IKBKE: variants seen among roughly 807,000 people sequenced by gnomAD.
IKBKE encodes inhibitor of nuclear factor kappa-B kinase subunit epsilon.
In IKBKE, 45 loss-of-function variants were observed where a neutral mutation model predicts 92.1. That is an observed-to-expected ratio of 0.49 (90% CI 0.38 to 0.63). IKBKE has a LOEUF of 0.63. IKBKE is among the 20% of genes least tolerant of loss of function. The probability of loss-of-function intolerance (pLI) is 0.00; values close to 1 mark genes in which losing one functional copy is unlikely to be tolerated. For synonymous variants in IKBKE, 374 were observed against 380.3 expected, an observed-to-expected ratio of 0.98 and a Z score of 0.19; for missense variants, 700 against 932.8, an observed-to-expected ratio of 0.75 and a Z score of 3.25.
At position 206,483,092 on chromosome 1, in the gene IKBKE, C is replaced by T. The variant is rs78674445; in HGVS notation, c.1428-1905C>T. Among the ~76,000 whole-genome samples, 968 of 152,386 alleles carry T rather than the reference C, an allele frequency of 6.4e-3. 19 individuals carry two copies. Among genetic ancestry groups the T allele is most frequent in the Admixed American group, 0.043 (665 of 15,308 alleles). On this transcript the variant is annotated intron_variant, in intron 13 of 21. Coordinates refer to ENST00000581977, the MANE Select transcript of IKBKE (RefSeq NM_014002.4). ...ACAGGCACTGCTCAGGCAGCCAGGA[C>T]GGGCTTTGGGAATCCTAGGGCTTCC...
chr1:206,476,508 C>T lies in IKBKE; in HGVS notation c.540+146C>T. On this transcript the variant is annotated intron_variant, in intron 6 of 21. Coordinates refer to ENST00000581977, the MANE Select transcript of IKBKE (RefSeq NM_014002.4). This position sits in a 1 kb window ranked among gnomAD's most constrained non-coding sequence, Gnocchi z 5.1. ...CCCCTGTACCCCAACCAGAAGAATGCATTCTGTTCTCTAAGATGGAAAAGG... is the reference window on the plus strand; with the variant it reads ...CCCCTGTACCCCAACCAGAAGAATGTATTCTGTTCTCTAAGATGGAAAAGG... The T allele has an allele frequency of 9.0e-7, 1 of 1,107,824 alleles. No individual in the cohort carries two copies. The highest frequency in any genetic ancestry group is 1.3e-6 in the Non-Finnish European group (1 of 763,702). 68.6% of individuals were successfully genotyped at this position (1,107,824 alleles called of 1,614,324 possible).
At position 206,476,539 on chromosome 1, in the gene IKBKE, C is replaced by T. The variant is rs1665071656; in HGVS notation, c.541-139C>T. On this transcript the variant is annotated intron_variant, in intron 6 of 21. Coordinates refer to ENST00000581977, the MANE Select transcript of IKBKE (RefSeq NM_014002.4). This position sits in a 1 kb window ranked among gnomAD's most constrained non-coding sequence, Gnocchi z 5.1. ...GTTCTCTAAGATGGAAAAGGTGAGG[C>T]TGACACCCATTTTTAAGATGACAAA... 2.6e-6 allele frequency: 3 copies of T among 1,168,460 alleles called. No homozygotes were observed. In the Admixed American group the frequency reaches 6.6e-5, roughly 26 times the overall value. The allele number at this position is 1,168,460 out of a possible 1,614,324, so 72.4% of individuals were successfully genotyped here.
At chr1:206,480,850 G>A (rs1438190794) in intron 13 of IKBKE, among the ~76,000 whole-genome samples, 1 of 152,152 alleles carries the variant, frequency 6.6e-6, no homozygotes, top group Non-Finnish European at 1.5e-5. Context: ...ATGATTTAGA[G>A]TGCTCACCCT....
intron 18 of IKBKE, 196 bp downstream of exon 18, chr1:206,491,945 TACA>T: frequency 4.0e-6 from 2 of 504,070 alleles, no homozygotes; most frequent in Non-Finnish European, 3.6e-6. Context: ...TATTTACTCC[TACA>T]ACACCTGCCC....
intron 8 of IKBKE, 109 bp downstream of exon 8, chr1:206,477,968 C>A: frequency 2.2e-6 from 2 of 896,624 alleles, no homozygotes; most frequent in Non-Finnish European, 3.5e-6. Flanking sequence ...GGGCATGCTG[C>A]AGGCTTGGGC....
At position 206,484,994 on chromosome 1, in the gene IKBKE, A is replaced by G; in HGVS notation, c.1428-3A>G. On this transcript the variant is annotated splice_region_variant and splice_polypyrimidine_tract_variant and intron_variant, in intron 13 of 21. Coordinates refer to ENST00000581977, the MANE Select transcript of IKBKE (RefSeq NM_014002.4). The stretch of plus-strand genomic sequence containing the variant: ...TGTGGCCTTTCTCTTTGCTTCCCTC[A>G]AGGTTCAGCAGCGTGGCTGGAACGC... 1 of 1,613,328 alleles carries G rather than the reference A, an allele frequency of 6.2e-7. No individual in the cohort carries two copies. Among genetic ancestry groups the G allele is most frequent in the Non-Finnish European group, 8.5e-7 (1 of 1,179,582 alleles).
At chr1:206,488,094 A>T in intron 16 of IKBKE, 104 bp downstream of exon 16, 1 of 813,286 alleles carries the variant, frequency 1.2e-6, no homozygotes, top group South Asian at 1.5e-5. Context: ...CCTCCAGCTA[A>T]GTGGCCGCTA....
chr1:206,482,918 C>A (rs1665479210), intron 13 of IKBKE, among the ~76,000 whole-genome samples: 1 of 152,262 alleles, frequency 6.6e-6, no homozygotes, highest in Admixed American at 6.5e-5. Context: ...GCACCTCATG[C>A]CAAGTGGCCC....
intron 21 of IKBKE, among the ~76,000 whole-genome samples, chr1:206,495,570 A>G (rs550920972): frequency 5.4e-4 from 82 of 152,276 alleles, no homozygotes; most frequent in Non-Finnish European, 9.1e-4. Flanking sequence ...TGTTCCAGCA[A>G]GAGAACTCAT....
chr1:206,486,834 C>T (rs1220294582), intron 15 of IKBKE, among the ~76,000 whole-genome samples: 1 of 151,672 alleles, frequency 6.6e-6, no homozygotes, highest in Non-Finnish European at 1.5e-5. Context: ...GATCGAGGCC[C>T]CGTCCTTTTG....
chr1:206,492,324 T>C, intron 18 of IKBKE: 2 of 404,252 alleles, frequency 4.9e-6, no homozygotes, highest in South Asian at 3.8e-5. Context: ...GTGTGAACAC[T>C]GGCCCCTCCT....
Position 206,491,562 on chromosome 1 carries a change from C to T in IKBKE, c.1734-86C>T, listed in dbSNP as rs556258716. The T allele has an allele frequency of 2.2e-4, 206 of 919,106 alleles. 1 individual carries two copies. Among genetic ancestry groups the T allele is most frequent in the South Asian group, 9.2e-4 (69 of 74,968 alleles). The allele number at this position is 919,106 out of a possible 1,614,324, so 56.9% of individuals were successfully genotyped here. A position where few individuals can be genotyped will look rare whatever the true frequency, so the allele number is the denominator to read the frequency against. ...TTGGGCACTTACGACAAGGTGGTGA[C>T]GGAGACTGACGGAGACTGAGGGATG... is the stretch of plus-strand genomic sequence containing the variant. On this transcript the variant is annotated intron_variant, in intron 17 of 21. Coordinates refer to ENST00000581977, the MANE Select transcript of IKBKE (RefSeq NM_014002.4).
intron 18 of IKBKE, 61 bp from the exon 19 acceptor site, chr1:206,492,962 C>G: frequency 3.5e-6 from 5 of 1,426,038 alleles, no homozygotes; most frequent in Non-Finnish European, 4.8e-6. Context: ...GGCAGCTAGG[C>G]GAGCCCTGGG....
At position 206,470,512 on chromosome 1, in the gene IKBKE, A is replaced by T. The variant is rs1473221612; in HGVS notation, c.-309A>T. ...TGGTGTCCCACCGCCACAAGGAGGC[A>T]GGGAAGAAACCCACTAGTCCCAGCT... On this transcript the variant is annotated 5_prime_UTR_variant, in exon 1 of 22. Coordinates refer to ENST00000581977, the MANE Select transcript of IKBKE (RefSeq NM_014002.4). The T allele has an allele frequency of 7.9e-5, 12 of 152,466 alleles. No homozygotes were observed. Among genetic ancestry groups the T allele is most frequent in the Middle Eastern group, 3.4e-3 (1 of 296 alleles). 9.4% of individuals were successfully genotyped at this position (152,466 alleles called of 1,614,324 possible). A position where few individuals can be genotyped will look rare whatever the true frequency, so the allele number is the denominator to read the frequency against.
intron 15 of IKBKE, among the ~76,000 whole-genome samples, chr1:206,486,819 C>A (rs1267070509): frequency 6.6e-6 from 1 of 151,282 alleles, no homozygotes; most frequent in African/African-American, 2.4e-5. Flanking sequence ...TGGATGAAGG[C>A]TGTGGATCGA....
At position 206,485,194 on chromosome 1, in the gene IKBKE, C is replaced by T. The variant is rs1553388287; in HGVS notation, c.1504C>T (p.Leu502=). The part of the protein sequence containing the change: ...AAELRSRLRT[L]AEVLSRCSQN... Reference sequence around the variant, plus strand: ...GGGGGTCTGCCTTTGTGCCCCACAGCTAGCGGAGGTCCTCTCCAGATGCTC... The same window carrying T: ...GGGGGTCTGCCTTTGTGCCCCACAGTTAGCGGAGGTCCTCTCCAGATGCTC... Residue 502 remains leucine, a splice_region_variant and synonymous_variant, in exon 15 of 22, where the codon CTA becomes TTA. Coordinates refer to ENST00000581977, the MANE Select transcript of IKBKE (RefSeq NM_014002.4). This position sits in a 1 kb window ranked among gnomAD's most constrained non-coding sequence, Gnocchi z 5.0. 1 of 1,610,682 alleles carries T rather than the reference C, an allele frequency of 6.2e-7. No individual in the cohort carries two copies. Among genetic ancestry groups the T allele is most frequent in the Admixed American group, 1.7e-5 (1 of 60,028 alleles).
At chr1:206,482,394 G>C (rs549114854) in intron 13 of IKBKE, among the ~76,000 whole-genome samples, 2 of 152,182 alleles carry the variant, frequency 1.3e-5, no homozygotes, top group Non-Finnish European at 2.9e-5. Flanking sequence ...AAGCTTTTTG[G>C]GTGTCTGTCT....
At chr1:206,495,577 T>C (rs1298134251) in intron 21 of IKBKE, among the ~76,000 whole-genome samples, 2 of 152,196 alleles carry the variant, frequency 1.3e-5, no homozygotes, top group Non-Finnish European at 2.9e-5. Context: ...GCAAGAGAAC[T>C]CATCCTCTTA....
At position 206,476,926 on chromosome 1, in the gene IKBKE, C is replaced by T; in HGVS notation, c.701+88C>T. On this transcript the variant is annotated intron_variant, in intron 7 of 21. Transcript: ENST00000581977. The surrounding 1 kb of genome is among the most constrained non-coding windows in gnomAD (Gnocchi z 5.1). ...GGTCCTTGCTGTGTCTTCTGGTCCC[C>T]TCACACTCCATGGCCCTCCTCTGGT... is the stretch of plus-strand genomic sequence containing the variant. The T allele has an allele frequency of 2.8e-6, 4 of 1,453,066 alleles. No individual in the cohort carries two copies. The highest frequency in any genetic ancestry group is 1.8e-5 in the Admixed American group (1 of 56,652). The allele number at this position is 1,453,066 out of a possible 1,614,324, so 90.0% of individuals were successfully genotyped here. A position where few individuals can be genotyped will look rare whatever the true frequency, so the allele number is the denominator to read the frequency against.
Sources: gnomAD v4.1 joint callset for allele counts (sites outside exome capture counted in the v4.1 genomes callset) on GRCh38, gnomAD v4.1.1 for gene constraint, Gnocchi (gnomAD v3.1) non-coding constraint, MANE v1.5 for transcripts, NCBI Gene and HGNC (gene_info 2026-07-23, HGNC 2026-07-21) for gene names.